Variants in SV2C observed in about 807,000 individuals in gnomAD.
SV2C encodes synaptic vesicle glycoprotein 2C, also known as solute carrier family 22 member B3.
In SV2C, 49 loss-of-function variants were observed where a neutral mutation model predicts 79.7. That is an observed-to-expected ratio of 0.61 (90% CI 0.49 to 0.78). The LOEUF (loss-of-function observed/expected upper bound fraction) is 0.78. SV2C is among the 30% of genes least tolerant of loss of function. SV2C has a pLI of 0.00. For missense variants in SV2C, 833 were observed against 912.9 expected (o/e 0.91, Z 1.13); for synonymous variants, 334 against 333.2 (o/e 1.00, Z -0.03).
chr5:76,280,775 A>G (rs972668261), intron 4 of SV2C, among the ~76,000 whole-genome samples: 1 of 152,230 alleles, frequency 6.6e-6, no homozygotes, highest in Non-Finnish European at 1.5e-5. Context: ...GGCCCAGAGC[A>G]GGCTCATCCT....
intron 1 of SV2C, among the ~76,000 whole-genome samples, chr5:76,106,440 G>C (rs1293849154): frequency 6.6e-6 from 1 of 152,148 alleles, no homozygotes; most frequent in African/African-American, 2.4e-5. Context: ...TCCCTTCTCT[G>C]TGCAAATCCC....
At chr5:76,278,306 C>T (rs1364858070) in intron 4 of SV2C, among the ~76,000 whole-genome samples, 1 of 151,954 alleles carries the variant, frequency 6.6e-6, no homozygotes, top group Non-Finnish European at 1.5e-5. Flanking sequence ...AATATGTAAA[C>T]AACACATGAA....
At chr5:76,050,591 T>G in the SV2C span, among the ~76,000 whole-genome samples, 1 of 148,226 alleles carries the variant, frequency 6.7e-6, no homozygotes. Context: ...TCTCTCTCTT[T>G]CACTCTCTCT....
the SV2C span, among the ~76,000 whole-genome samples, chr5:76,062,684 T>C: frequency 6.6e-6 from 1 of 152,026 alleles, no homozygotes; most frequent in Admixed American, 6.6e-5. Flanking sequence ...TTTATGGCTG[T>C]CTACCCTGGT....
chr5:75,951,067 C>T, the SV2C span, among the ~76,000 whole-genome samples: 6 of 151,904 alleles, frequency 3.9e-5, no homozygotes, highest in African/African-American at 1.2e-4. Context: ...ACAAAAATGC[C>T]ATAGAATATT....
At chr5:75,945,089 A>G in the SV2C span, among the ~76,000 whole-genome samples, 1 of 152,148 alleles carries the variant, frequency 6.6e-6, no homozygotes, top group Non-Finnish European at 1.5e-5. Context: ...AACAGACTTA[A>G]AGCAGCTAAA....
At chr5:76,211,463 CGTGTGTGTGTGT>C (rs10593541) in intron 4 of SV2C, among the ~76,000 whole-genome samples, 106 of 149,574 alleles carry the variant, frequency 7.1e-4, no homozygotes, top group African/African-American at 1.5e-3. Context: ...GTTCTGGTTG[CGTGTGTGTGTGT>C]GTGTGTGTGT....
chr5:75,989,637 G>C, the SV2C span, among the ~76,000 whole-genome samples: 44 of 151,852 alleles, frequency 2.9e-4, no homozygotes, highest in African/African-American at 9.9e-4. Context: ...CTATTCCCTT[G>C]GGTATATATC....
intron 1 of SV2C, among the ~76,000 whole-genome samples, chr5:76,109,581 T>G (rs1387877594): frequency 6.6e-6 from 1 of 152,188 alleles, no homozygotes; most frequent in African/African-American, 2.4e-5. Flanking sequence ...TTTTTGCAGA[T>G]GCAATCAAGT....
At chr5:76,238,804 A>G (rs1225541788) in intron 4 of SV2C, among the ~76,000 whole-genome samples, 1 of 152,204 alleles carries the variant, frequency 6.6e-6, no homozygotes, top group Non-Finnish European at 1.5e-5. Flanking sequence ...GGAATGCCAC[A>G]CTATTCACAC....
the SV2C span, among the ~76,000 whole-genome samples, chr5:75,867,346 T>C: frequency 0.26 from 39,672 of 152,004 alleles, 7,773 homozygotes; most frequent in African/African-American, 0.55. Flanking sequence ...CGGATCAAGC[T>C]TCCTTGGAAA....
chr5:76,065,335 C>T, the SV2C span, among the ~76,000 whole-genome samples: 1 of 152,146 alleles, frequency 6.6e-6, no homozygotes, highest in African/African-American at 2.4e-5. Flanking sequence ...AAACATCGTG[C>T]ATCAATACCT....
the SV2C span, among the ~76,000 whole-genome samples, chr5:76,010,051 G>A: frequency 1.4e-5 from 2 of 146,306 alleles, no homozygotes; most frequent in African/African-American, 5.2e-5. Flanking sequence ...CTCTACCTAG[G>A]CAGGGATTTG....
At chr5:76,215,458 A>T (rs1361054255) in intron 4 of SV2C, among the ~76,000 whole-genome samples, 1 of 152,212 alleles carries the variant, frequency 6.6e-6, no homozygotes, top group East Asian at 1.9e-4. Context: ...TAACTTTGAC[A>T]TCTAGATATC....
At chr5:76,112,641 G>A (rs933538082) in intron 1 of SV2C, among the ~76,000 whole-genome samples, 16 of 152,362 alleles carry the variant, frequency 1.1e-4, no homozygotes, top group African/African-American at 3.8e-4. Flanking sequence ...GGCCCTGGTA[G>A]TGTTCAGGTG....
At chr5:75,869,146 G>A in the SV2C span, among the ~76,000 whole-genome samples, 3 of 151,874 alleles carry the variant, frequency 2.0e-5, no homozygotes, top group Non-Finnish European at 4.4e-5. Flanking sequence ...TACCAGCTAG[G>A]TTCTTGGGGT....
intron 12 of SV2C, 66 bp downstream of exon 12, chr5:76,301,611 T>A (rs530740035): frequency 1.3e-6 from 2 of 1,549,874 alleles, no homozygotes; most frequent in East Asian, 4.6e-5. Context: ...AAAATTATTT[T>A]AAAACAACCC....
At chr5:75,895,225 T>A in the SV2C span, among the ~76,000 whole-genome samples, 1 of 152,092 alleles carries the variant, frequency 6.6e-6, no homozygotes, top group Non-Finnish European at 1.5e-5. Context: ...TTATTTAAAA[T>A]GTCCAATTTC....
intron 4 of SV2C, among the ~76,000 whole-genome samples, chr5:76,255,898 A>G (rs1309211022): frequency 1.3e-5 from 2 of 152,178 alleles, no homozygotes; most frequent in Non-Finnish European, 2.9e-5. Flanking sequence ...CTGGGGGAAG[A>G]GGGCTCAGAT....
Sources: allele counts gnomAD v4.1 joint callset (sites outside exome capture counted in the v4.1 genomes callset), GRCh38; gene constraint gnomAD v4.1.1; transcripts MANE v1.5; gene names NCBI Gene and HGNC (gene_info 2026-07-23, HGNC 2026-07-21).